The following TCF4 variants were observed in gnomAD, a reference collection of about 807,000 sequenced individuals.
TCF4 encodes SL3-3 enhancer factor 2.
A neutral mutation model predicts 82.1 loss-of-function variants in TCF4; 3 were observed. That is an observed-to-expected ratio of 0.04 (90% CI 0.02 to 0.09). TCF4 has a LOEUF of 0.09. Among genes scored for constraint, TCF4 ranks in the 10% least tolerant of loss-of-function variants. The pLI, the probability that TCF4 is intolerant of heterozygous loss-of-function variation, is 1.00. For synonymous variants in TCF4, 276 were observed against 309.6 expected, an observed-to-expected ratio of 0.89 and a Z score of 1.14; for missense variants, 518 against 852.7, an observed-to-expected ratio of 0.61 and a Z score of 4.89.
Position 55,225,010 on chromosome 18 carries a change from A to G in TCF4, c.*3025T>C, listed in dbSNP as rs561429349. On this transcript the variant is annotated 3_prime_UTR_variant, in exon 20 of 20. Coordinates refer to ENST00000354452, the MANE Select transcript of TCF4 (RefSeq NM_001083962.2). ...TTTGAAAATCCAGTGCAGGATACCA[A>G]TATCTTACCTGGGTTTGATAATTAC... The G allele has an allele frequency of 5.6e-4, 86 of 152,286 alleles. 1 individual carries two copies. The highest frequency in any genetic ancestry group is 2.0e-3 in the African/African-American group (85 of 41,580). 9.4% of individuals were successfully genotyped at this position (152,286 alleles called of 1,614,324 possible). A position where few individuals can be genotyped will look rare whatever the true frequency, so the allele number is the denominator to read the frequency against.
chr18:55,509,326 CACAG>C (rs886275667), intron 3 of TCF4, among the ~76,000 whole-genome samples: 2 of 137,942 alleles, frequency 1.4e-5, no homozygotes, highest in East Asian at 2.7e-4. Flanking sequence ...AAAACACTCA[CACAG>C]ACAGACACAC....
intron 8 of TCF4, among the ~76,000 whole-genome samples, chr18:55,315,843 C>G (rs1472700692): frequency 3.3e-5 from 5 of 152,026 alleles, no homozygotes; most frequent in Non-Finnish European, 5.9e-5. Flanking sequence ...CACTACTGAT[C>G]TCTTTTTCCT....
At chr18:55,463,550 G>C (rs902805755) in intron 4 of TCF4, among the ~76,000 whole-genome samples, 1 of 152,148 alleles carries the variant, frequency 6.6e-6, no homozygotes, top group African/African-American at 2.4e-5. Flanking sequence ...AGTGATCAAA[G>C]TCCCTACTGG....
chr18:55,350,758 T>G, intron 7 of TCF4, 116 bp downstream of exon 7: 1 of 1,483,246 alleles, frequency 6.7e-7, no homozygotes, highest in Non-Finnish European at 9.2e-7. Context: ...CTGAGCCAAA[T>G]TTTATGGTTT....
At chr18:55,453,023 A>G (rs1243068628) in intron 5 of TCF4, among the ~76,000 whole-genome samples, 2 of 152,240 alleles carry the variant, frequency 1.3e-5, no homozygotes, top group Non-Finnish European at 2.9e-5. Context: ...TTAAAAAATT[A>G]AAGTGTGAAT....
chr18:55,288,610 G>A (rs544901283), intron 8 of TCF4, among the ~76,000 whole-genome samples: 24 of 152,278 alleles, frequency 1.6e-4, no homozygotes, highest in African/African-American at 4.8e-4. Context: ...CCCCTATACT[G>A]CCTGGCCATT....
intron 3 of TCF4, chr18:55,550,588 C>T (rs149916516): frequency 8.5e-5 from 13 of 152,084 alleles, no homozygotes; most frequent in South Asian, 4.2e-4. Context: ...TGTAGTACAG[C>T]GCCACATATA....
At chr18:55,410,853 T>C (rs563306771) in intron 5 of TCF4, among the ~76,000 whole-genome samples, 1 of 152,308 alleles carries the variant, frequency 6.6e-6, no homozygotes, top group East Asian at 1.9e-4. Context: ...ATAAGCATTT[T>C]GAGTGAACAT....
At chr18:55,423,830 G>A (rs529307709) in intron 5 of TCF4, among the ~76,000 whole-genome samples, 111 of 152,156 alleles carry the variant, frequency 7.3e-4, no homozygotes, top group African/African-American at 2.5e-3. Context: ...TCCAACTGAC[G>A]TCTTCATAAT....
intron 8 of TCF4, among the ~76,000 whole-genome samples, chr18:55,340,138 T>G (rs550720327): frequency 3.3e-5 from 5 of 152,228 alleles, no homozygotes; most frequent in Non-Finnish European, 5.9e-5. Flanking sequence ...TATTAGAGAA[T>G]ACCACTGACA....
At chr18:55,293,931 C>CTTT (rs781150808) in intron 8 of TCF4, among the ~76,000 whole-genome samples, 2,865 of 39,920 alleles carry the variant, frequency 0.072, 1,019 homozygotes, top group Non-Finnish European at 0.1. Context: ...TTTCCAAGGA[C>CTTT]TTTTTTTTTT....
chr18:55,621,648 C>CATTATATAATATATATAATATATAT (rs2097719750), intron 2 of TCF4, among the ~76,000 whole-genome samples: 1 of 9,962 alleles, frequency 1.0e-4, no homozygotes, highest in African/African-American at 7.2e-4. Flanking sequence ...ATATAATATA[C>CATTATATAATATATATAATATATAT]ATTATATAAT....
chr18:55,377,323 C>A (rs982551654), intron 6 of TCF4, among the ~76,000 whole-genome samples: 1 of 152,196 alleles, frequency 6.6e-6, no homozygotes, highest in African/African-American at 2.4e-5. Context: ...ATCACCCCCA[C>A]CAGTCTACAT....
chr18:55,498,620 T>A (rs2096663748), intron 3 of TCF4, among the ~76,000 whole-genome samples: 1 of 152,118 alleles, frequency 6.6e-6, no homozygotes, highest in Admixed American at 6.5e-5. Context: ...CCTCTGAGTC[T>A]CTAGTGAAGA....
chr18:55,348,460 T>C (rs557709730), intron 8 of TCF4, among the ~76,000 whole-genome samples: 2 of 152,226 alleles, frequency 1.3e-5, no homozygotes, highest in African/African-American at 2.4e-5. Flanking sequence ...GAAAATTAAA[T>C]AGAATAAAAC....
At chr18:55,352,318 T>C (rs537870905) in intron 6 of TCF4, among the ~76,000 whole-genome samples, 9 of 152,214 alleles carry the variant, frequency 5.9e-5, no homozygotes, top group Admixed American at 5.9e-4. Context: ...AATCAAAAAT[T>C]CAAACCTCCC....
chr18:55,417,896 C>A (rs72926972), intron 5 of TCF4, among the ~76,000 whole-genome samples: 7,677 of 151,660 alleles, frequency 0.051, 270 homozygotes, highest in Non-Finnish European at 0.075. Flanking sequence ...GAGAACTGTA[C>A]CTATAATAAA....
chr18:55,620,248 A>G (rs2097716343), intron 2 of TCF4, among the ~76,000 whole-genome samples: 1 of 152,166 alleles, frequency 6.6e-6, no homozygotes, highest in South Asian at 2.1e-4. Context: ...GCAGTTCTTT[A>G]TAGCAGTGTG....
upstream of TCF4, among the ~76,000 whole-genome samples, chr18:55,590,284 A>G (rs1386411626): frequency 6.6e-6 from 1 of 152,184 alleles, no homozygotes; most frequent in African/African-American, 2.4e-5. Flanking sequence ...CGGCATGGGA[A>G]AAGGCCTCTG....
Sources: gnomAD v4.1 joint callset for allele counts (sites outside exome capture counted in the v4.1 genomes callset) on GRCh38, gnomAD v4.1.1 for gene constraint, MANE v1.5 for transcripts, NCBI Gene and HGNC (gene_info 2026-07-23, HGNC 2026-07-21) for gene names.